TNFRSF19: variants seen among roughly 807,000 people sequenced by gnomAD.
TNFRSF19 encodes the protein tumor necrosis factor receptor superfamily member 19.
TNFRSF19 carries 27 observed loss-of-function variants against 46.4 expected under a neutral mutation model. The observed-to-expected ratio is 0.58, with a 90% CI of 0.43 to 0.80. The LOEUF (loss-of-function observed/expected upper bound fraction) is 0.80, where lower values mean the gene tolerates loss of function less well. TNFRSF19 is among the 30% of genes least tolerant of loss of function. The pLI, the probability that TNFRSF19 is intolerant of heterozygous loss-of-function variation, is 0.00. For synonymous variants in TNFRSF19, 204 were observed against 205.0 expected (o/e 1.00, Z 0.04); for missense variants, 511 against 530.8 (o/e 0.96, Z 0.37).
Position 23,659,159 on chromosome 13 carries a change from G to A in TNFRSF19, c.555G>A (p.Leu185=). The change falls in exon 6 of 10, where the codon CTG becomes CTA. Residue 185 remains leucine, a synonymous_variant. Transcript: ENST00000248484. The surrounding 1 kb of genome is among the most constrained non-coding windows in gnomAD (Gnocchi z 4.9). ...CTCTGGCCACCGTCCTGCTGGCCCT[G>A]CTCATCCTCTGTGTCATCTATTGTA... ...CSALATVLLA[L]LILCVIYCKR... The A allele has an allele frequency of 6.2e-7, 1 of 1,614,124 alleles. No homozygotes were observed. The highest frequency in any genetic ancestry group is 8.5e-7 in the Non-Finnish European group (1 of 1,180,022).
At chr13:23,577,133 C>T (rs909898957) in intron 1 of TNFRSF19, among the ~76,000 whole-genome samples, 16 of 152,206 alleles carry the variant, frequency 1.1e-4, no homozygotes, top group African/African-American at 3.9e-4. Flanking sequence ...AGTAACTTTT[C>T]CAAAGTCATG....
chr13:23,630,640 G>A (rs1198916375), intron 5 of TNFRSF19, among the ~76,000 whole-genome samples: 1 of 152,162 alleles, frequency 6.6e-6, no homozygotes, highest in Non-Finnish European at 1.5e-5. Flanking sequence ...CCTGCTGCAG[G>A]CATTGTTCCC....
intron 3 of TNFRSF19, among the ~76,000 whole-genome samples, chr13:23,595,541 G>C (rs557014344): frequency 6.6e-6 from 1 of 152,110 alleles, no homozygotes; most frequent in East Asian, 1.9e-4. Flanking sequence ...GAAATAAAGC[G>C]TGAAGACAAG....
intron 1 of TNFRSF19, among the ~76,000 whole-genome samples, chr13:23,588,653 A>G (rs936776267): frequency 5.3e-5 from 8 of 152,194 alleles, no homozygotes; most frequent in Non-Finnish European, 8.8e-5. Context: ...TTTAAAATGT[A>G]AGATCGTATC....
chr13:23,632,273 C>A (rs1040349932), intron 5 of TNFRSF19, among the ~76,000 whole-genome samples: 3 of 152,184 alleles, frequency 2.0e-5, no homozygotes, highest in Non-Finnish European at 4.4e-5. Flanking sequence ...TTCAGGAACA[C>A]ATAACTGCTA....
At chr13:23,645,712 G>C (rs894126476) in intron 5 of TNFRSF19, among the ~76,000 whole-genome samples, 60 of 152,242 alleles carry the variant, frequency 3.9e-4, no homozygotes, top group African/African-American at 1.4e-3. Flanking sequence ...TAGGTGATCT[G>C]ATCAGTCCCT....
intron 1 of TNFRSF19, chr13:23,585,486 C>T (rs140268697): frequency 3.9e-5 from 6 of 152,330 alleles, no homozygotes; most frequent in African/African-American, 1.4e-4. Context: ...GCACTACCTT[C>T]AAGAAATGGG....
chr13:23,601,169 A>G (rs766858450), intron 3 of TNFRSF19, among the ~76,000 whole-genome samples: 11 of 152,202 alleles, frequency 7.2e-5, no homozygotes. Context: ...CAAGCAAGAT[A>G]AATGCCCAAA....
intron 3 of TNFRSF19, chr13:23,594,437 C>T (rs1879548880): frequency 6.8e-6 from 2 of 295,016 alleles, no homozygotes; most frequent in South Asian, 2.6e-5. Context: ...TCTGCCATTA[C>T]TGAGGATTGA....
At chr13:23,645,607 T>G (rs1883285903) in intron 5 of TNFRSF19, among the ~76,000 whole-genome samples, 2 of 152,280 alleles carry the variant, frequency 1.3e-5, no homozygotes, top group South Asian at 4.1e-4. Flanking sequence ...TGTTTTCCCC[T>G]TATCTCAGAG....
Position 23,659,925 on chromosome 13 carries a change from T to A in TNFRSF19, c.611-440T>A, listed in dbSNP as rs192003601. Among the ~76,000 whole-genome samples the A allele has an allele frequency of 6.6e-6, 1 of 152,262 alleles. No homozygotes were observed. The highest frequency in any genetic ancestry group is 1.5e-5 in the Non-Finnish European group (1 of 68,006). Reference sequence around the variant, plus strand: ...TCTTCATTAAGTGGAAGCGGATCATTGTAAAGGCCTTCATCCTCATCATCT... The same window carrying A: ...TCTTCATTAAGTGGAAGCGGATCATAGTAAAGGCCTTCATCCTCATCATCT... On this transcript the variant is annotated intron_variant, in intron 6 of 9. Coordinates refer to ENST00000248484, the MANE Select transcript of TNFRSF19 (RefSeq NM_148957.4). The surrounding 1 kb of genome is among the most constrained non-coding windows in gnomAD (Gnocchi z 4.9).
chr13:23,576,005 A>G (rs1369944563), intron 1 of TNFRSF19, among the ~76,000 whole-genome samples: 1 of 152,232 alleles, frequency 6.6e-6, no homozygotes, highest in African/African-American at 2.4e-5. Flanking sequence ...AGATTGTCAT[A>G]GCAATTTTGC....
At chr13:23,673,010 C>T (rs556978633) in intron 9 of TNFRSF19, among the ~76,000 whole-genome samples, 15 of 152,296 alleles carry the variant, frequency 9.8e-5, no homozygotes, top group African/African-American at 3.6e-4. Flanking sequence ...TATTTACCTA[C>T]AAATGCTTTA....
intron 4 of TNFRSF19, among the ~76,000 whole-genome samples, chr13:23,619,349 T>G (rs937389950): frequency 6.6e-6 from 1 of 151,972 alleles, no homozygotes; most frequent in African/African-American, 2.4e-5. Flanking sequence ...GAAAGGAAAT[T>G]AGTGTTGCCT....
intron 5 of TNFRSF19, among the ~76,000 whole-genome samples, chr13:23,640,443 C>G (rs1469181083): frequency 6.6e-6 from 1 of 152,142 alleles, no homozygotes; most frequent in African/African-American, 2.4e-5. Flanking sequence ...TAACCTGTAC[C>G]CAGCTTTGAG....
intron 3 of TNFRSF19, among the ~76,000 whole-genome samples, chr13:23,599,246 G>A (rs896138453): frequency 6.6e-5 from 10 of 152,180 alleles, no homozygotes; most frequent in African/African-American, 1.7e-4. Context: ...TTTTTAACAG[G>A]TTGACATATC....
At chr13:23,663,268 G>T (rs1043392758) in intron 7 of TNFRSF19, among the ~76,000 whole-genome samples, 2 of 152,190 alleles carry the variant, frequency 1.3e-5, no homozygotes, top group Non-Finnish European at 1.5e-5. Context: ...CATCTATTGA[G>T]ATAATCATGT....
chr13:23,618,814 T>C lies in TNFRSF19; in HGVS notation c.359+2769T>C, dbSNP rs112240017. Reference sequence around the variant, plus strand: ...AATTCAGTTGTTGCCAGTGCGATTATATTAAGAGGTGGGGCCTTTACGAGG... The same window carrying C: ...AATTCAGTTGTTGCCAGTGCGATTACATTAAGAGGTGGGGCCTTTACGAGG... On this transcript the variant is annotated intron_variant, in intron 4 of 9. Transcript: ENST00000248484. Among the ~76,000 whole-genome samples, 833 of 152,302 alleles carry C rather than the reference T, an allele frequency of 5.5e-3. 10 individuals carry two copies. Among genetic ancestry groups the C allele is most frequent in the African/African-American group, 0.019 (786 of 41,552 alleles).
intron 1 of TNFRSF19, among the ~76,000 whole-genome samples, chr13:23,574,752 G>A (rs572692648): frequency 6.6e-6 from 1 of 152,312 alleles, no homozygotes; most frequent in African/African-American, 2.4e-5. Flanking sequence ...TGGGAGGGCA[G>A]AGGGAGGCTC....
Sources: gnomAD v4.1 joint callset for allele counts (sites outside exome capture counted in the v4.1 genomes callset) on GRCh38, gnomAD v4.1.1 for gene constraint, Gnocchi (gnomAD v3.1) non-coding constraint, MANE v1.5 for transcripts, NCBI Gene and HGNC (gene_info 2026-07-23, HGNC 2026-07-21) for gene names.